The following FOXN2 variants were observed in gnomAD, a reference collection of about 807,000 sequenced individuals.
FOXN2 encodes the protein forkhead box N2.
Under a neutral mutation model 41.2 loss-of-function variants are expected in FOXN2, and 19 were observed. The observed-to-expected ratio is 0.46, with a 90% confidence interval of 0.32 to 0.68. The LOEUF is 0.68. Ranked by LOEUF, FOXN2 falls within the 30% of genes least tolerant of loss-of-function variation. The probability of loss-of-function intolerance (pLI) is 0.03; values close to 1 mark genes in which losing one functional copy is unlikely to be tolerated. For missense variants in FOXN2, 587 were observed against 509.4 expected (o/e 1.15, Z -1.47); for synonymous variants, 195 against 176.8 (o/e 1.10, Z -0.82).
upstream of FOXN2, chr2:48,314,506 G>C (rs1398371231): frequency 1.3e-5 from 2 of 152,504 alleles, no homozygotes; most frequent in Non-Finnish European, 2.9e-5. Flanking sequence ...CCTTCGGTAG[G>C]AGGTGGGCGG....
At chr2:48,328,170 C>T (rs1669803571) in intron 1 of FOXN2, among the ~76,000 whole-genome samples, 1 of 152,214 alleles carries the variant, frequency 6.6e-6, no homozygotes, top group Non-Finnish European at 1.5e-5. Context: ...TATTCAAATG[C>T]CAACCAGATT....
intron 1 of FOXN2, among the ~76,000 whole-genome samples, chr2:48,321,725 TTTA>T (rs1007528049): frequency 5.3e-5 from 8 of 152,166 alleles, no homozygotes; most frequent in African/African-American, 1.9e-4. Context: ...GTGACCAGCT[TTTA>T]TTAAAAAAAA....
chr2:48,378,538 T>A lies in FOXN2; in HGVS notation c.*3095T>A, dbSNP rs543686686. 6.6e-6 allele frequency: 1 copy of A among 152,480 alleles called. No homozygotes were observed. Among genetic ancestry groups the A allele is most frequent in the East Asian group, 1.9e-4 (1 of 5,188 alleles). The allele number at this position is 152,480 out of a possible 1,614,324, so 9.4% of individuals were successfully genotyped here. A position where few individuals can be genotyped will look rare whatever the true frequency, so the allele number is the denominator to read the frequency against. ...GACCAGGAGGCCTTTGCCAGCAATT[T>A]AAGCAACAGATGTGAATACTTCACA... On this transcript the variant is annotated 3_prime_UTR_variant, in exon 7 of 7. Coordinates refer to ENST00000340553, the MANE Select transcript of FOXN2 (RefSeq NM_002158.4).
At chr2:48,325,341 A>G (rs1181173151) in intron 1 of FOXN2, among the ~76,000 whole-genome samples, 2 of 152,230 alleles carry the variant, frequency 1.3e-5, no homozygotes, top group Non-Finnish European at 2.9e-5. Flanking sequence ...ATTTACAACA[A>G]TACCTGTTAC....
chr2:48,315,303 C>G (rs533283032), intron 1 of FOXN2, among the ~76,000 whole-genome samples: 2 of 152,182 alleles, frequency 1.3e-5, no homozygotes, highest in African/African-American at 4.8e-5. Context: ...TCGGAGTCCT[C>G]GTCCGGCCCC....
At chr2:48,332,616 C>G (rs1386750331) in intron 2 of FOXN2, among the ~76,000 whole-genome samples, 1 of 152,054 alleles carries the variant, frequency 6.6e-6, no homozygotes, top group Non-Finnish European at 1.5e-5. Context: ...AAATATAAAG[C>G]ATTGTTACTG....
chr2:48,314,555 C>G (rs1217937492), upstream of FOXN2: 2 of 152,008 alleles, frequency 1.3e-5, no homozygotes, highest in African/African-American at 4.8e-5. Flanking sequence ...TCCTCGGGGT[C>G]GCGGGAGGCG....
intron 1 of FOXN2, among the ~76,000 whole-genome samples, chr2:48,322,310 A>G (rs1669383218): frequency 1.3e-5 from 2 of 152,132 alleles, no homozygotes; most frequent in Admixed American, 6.5e-5. Flanking sequence ...TTTTAATTGT[A>G]AAGTGAAACA....
chr2:48,373,233 A>G, intron 5 of FOXN2, 59 bp from the exon 6 acceptor site: 3 of 1,241,156 alleles, frequency 2.4e-6, no homozygotes, highest in Non-Finnish European at 3.5e-6. Context: ...GCATGCAAAT[A>G]CTTAGAATAG....
chr2:48,360,428 T>C (rs959526992), intron 4 of FOXN2, among the ~76,000 whole-genome samples: 1 of 152,166 alleles, frequency 6.6e-6, no homozygotes, highest in Non-Finnish European at 1.5e-5. Context: ...ACGTTTCATA[T>C]AGTGGTTAAT....
intron 1 of FOXN2, among the ~76,000 whole-genome samples, chr2:48,324,978 T>A (rs1008767415): frequency 1.3e-5 from 2 of 152,200 alleles, no homozygotes; most frequent in African/African-American, 2.4e-5. Context: ...GACAATCCAG[T>A]TGTTAGAATA....
At chr2:48,361,570 G>C (rs1443308987) in intron 4 of FOXN2, among the ~76,000 whole-genome samples, 1 of 151,764 alleles carries the variant, frequency 6.6e-6, no homozygotes, top group Non-Finnish European at 1.5e-5. Flanking sequence ...TATGTTGTTT[G>C]GCAAAATAAC....
chr2:48,343,999 T>G lies in FOXN2; in HGVS notation c.-14-2202T>G, dbSNP rs180839563. 1.1e-3 allele frequency among the ~76,000 whole-genome samples: 173 copies of G among 152,254 alleles called. 1 individual carries two copies. Among genetic ancestry groups the G allele is most frequent in the African/African-American group, 3.9e-3 (164 of 41,560 alleles). On this transcript the variant is annotated intron_variant, in intron 2 of 6. Coordinates refer to ENST00000340553, the MANE Select transcript of FOXN2 (RefSeq NM_002158.4). ...TAAGTGACAAGGCAAAAGTGAGACA[T>G]TAGAAATTAATCACTCCCTTCTTTA...
At chr2:48,348,568 T>C (rs1469408150) in intron 3 of FOXN2, among the ~76,000 whole-genome samples, 1 of 152,216 alleles carries the variant, frequency 6.6e-6, no homozygotes, top group Non-Finnish European at 1.5e-5. Flanking sequence ...TGCAAAAGAA[T>C]GGCAGGGACG....
chr2:48,370,128 G>A (rs1465841318), intron 5 of FOXN2, among the ~76,000 whole-genome samples: 1 of 152,162 alleles, frequency 6.6e-6, no homozygotes, highest in Non-Finnish European at 1.5e-5. Flanking sequence ...GCAGTGAGTG[G>A]GGCCTGAAAT....
chr2:48,319,762 C>T (rs1250964319), intron 1 of FOXN2, among the ~76,000 whole-genome samples: 26 of 150,240 alleles, frequency 1.7e-4, no homozygotes, highest in Admixed American at 1.7e-3. Flanking sequence ...AGGGGCGCTC[C>T]ACCACCCCTG....
intron 2 of FOXN2, among the ~76,000 whole-genome samples, chr2:48,334,605 C>T (rs182591015): frequency 3.9e-5 from 6 of 152,220 alleles, no homozygotes; most frequent in Admixed American, 1.3e-4. Context: ...AGTGCTCTGG[C>T]GCAAAGGGGA....
chr2:48,347,089 C>T (rs1478514777), intron 3 of FOXN2, among the ~76,000 whole-genome samples: 1 of 151,890 alleles, frequency 6.6e-6, no homozygotes, highest in Non-Finnish European at 1.5e-5. Flanking sequence ...AAGTATAGAC[C>T]ATTTAAATTA....
At chr2:48,348,968 C>G (rs891407158) in intron 3 of FOXN2, among the ~76,000 whole-genome samples, 5 of 152,156 alleles carry the variant, frequency 3.3e-5, no homozygotes, top group African/African-American at 7.2e-5. Flanking sequence ...TGATTCTTCT[C>G]CAGCATTAGT....
Sources: allele counts gnomAD v4.1 joint callset (sites outside exome capture counted in the v4.1 genomes callset), GRCh38; gene constraint gnomAD v4.1.1; transcripts MANE v1.5; gene names NCBI Gene and HGNC (gene_info 2026-07-23, HGNC 2026-07-21).